Variants in ALDH4A1 observed in about 807,000 individuals in gnomAD.
The protein encoded by ALDH4A1 is delta-1-pyrroline-5-carboxylate dehydrogenase, mitochondrial.
A neutral mutation model predicts 70.5 loss-of-function variants in ALDH4A1; 46 were observed. The observed-to-expected ratio is 0.65, with a 90% CI of 0.51 to 0.83. ALDH4A1 has a LOEUF of 0.83. Ranked by LOEUF, ALDH4A1 falls within the 40% of genes least tolerant of loss-of-function variation. ALDH4A1 has a pLI of 0.00. For missense variants in ALDH4A1, 749 were observed against 766.5 expected (o/e 0.98, Z 0.27); for synonymous variants, 323 against 324.3 (o/e 1.00, Z 0.04).
intron 1 of ALDH4A1, among the ~76,000 whole-genome samples, chr1:18,902,235 T>G: frequency 2.1e-5 from 3 of 145,388 alleles, no homozygotes; most frequent in Non-Finnish European, 3.0e-5. Context: ...GGAAGAGGGG[T>G]CCCCTCGCTA....
intron 1 of ALDH4A1, chr1:18,900,891 C>A (rs1935776501): frequency 1.0e-6 from 1 of 985,188 alleles, no homozygotes; most frequent in East Asian, 1.1e-4. Context: ...GGTGTTAGGC[C>A]CATGGTGCTT....
intron 1 of ALDH4A1, among the ~76,000 whole-genome samples, chr1:18,894,865 CTTTTTT>C (rs34445898): frequency 1.8e-5 from 2 of 109,964 alleles, no homozygotes. Context: ...TTCTTTCTTT[CTTTTTT>C]TTTTTTTTTT....
intron 2 of ALDH4A1, 148 bp from the exon 3 acceptor site, chr1:18,889,602 T>C: frequency 1.4e-6 from 1 of 716,876 alleles, no homozygotes. Context: ...TCAGAGAACA[T>C]GTGCTGCCCT....
At chr1:18,878,599 A>G (rs1449799514) in intron 9 of ALDH4A1, among the ~76,000 whole-genome samples, 1 of 151,990 alleles carries the variant, frequency 6.6e-6, no homozygotes, top group Admixed American at 6.5e-5. Context: ...TGCTCCACAA[A>G]ACACTTGGTC....
intron 5 of ALDH4A1, 46 bp downstream of exon 5, chr1:18,885,427 T>TACCCCCCCCCCCCCCCCCCCCCCCCCCCC: frequency 4.5e-5 from 29 of 650,914 alleles, no homozygotes; most frequent in East Asian, 1.3e-4. Context: ...CACACCTGAC[T>TACCCCCCCCCCCCCCCCCCCCCCCCCCCC]CCCACCCCAC....
intron 5 of ALDH4A1, 122 bp downstream of exon 5, chr1:18,885,351 T>A: frequency 1.0e-6 from 1 of 987,012 alleles, no homozygotes; most frequent in Non-Finnish European, 1.5e-6. Context: ...TGAGGACATC[T>A]CTGGGTCCCC....
At chr1:18,883,097 G>A (rs761753692) in intron 7 of ALDH4A1, 27 bp downstream of exon 7, 74 of 1,612,790 alleles carry the variant, frequency 4.6e-5, no homozygotes, top group Non-Finnish European at 5.6e-5. Flanking sequence ...ACCAGCTGCC[G>A]CTGTCCCACC....
intron 1 of ALDH4A1, among the ~76,000 whole-genome samples, chr1:18,901,755 G>A (rs192242442): frequency 7.2e-5 from 11 of 152,210 alleles, no homozygotes; most frequent in African/African-American, 2.4e-4. Context: ...ATAACCGGGC[G>A]CTGCCTTTGT....
At chr1:18,900,193 AT>A (rs1935754041) in intron 1 of ALDH4A1, among the ~76,000 whole-genome samples, 1 of 152,214 alleles carries the variant, frequency 6.6e-6, no homozygotes, top group Non-Finnish European at 1.5e-5. Flanking sequence ...ACTAGCAGAG[AT>A]TCCTGGCACT....
In ALDH4A1 at chr1:18,886,496, G is replaced by T; in HGVS notation, c.265C>A (p.His89Asn). 5 of 1,614,160 alleles carry T rather than the reference G, an allele frequency of 3.1e-6. No homozygotes were observed. The highest frequency in any genetic ancestry group is 4.2e-6 in the Non-Finnish European group (5 of 1,180,022). ...QYQVSPFNHG[H>N]KVAKFCYADK... ...GCATAACAGAACTTGGCCACCTTAT[G>T]TCCATGGTTAAAAGGCTGAAAGGAG... Residue 89 changes from histidine to asparagine, a missense_variant, in exon 4 of 15, where the codon CAT becomes AAT. Coordinates refer to ENST00000375341, the MANE Select transcript of ALDH4A1 (RefSeq NM_003748.4).
intron 1 of ALDH4A1, among the ~76,000 whole-genome samples, chr1:18,894,377 C>T (rs1935544058): frequency 6.6e-6 from 1 of 152,168 alleles, no homozygotes; most frequent in Admixed American, 6.5e-5. Context: ...ACCATCTCTA[C>T]TAAAACTACA....
intron 4 of ALDH4A1, 50 bp from the exon 5 acceptor site, chr1:18,885,678 C>A (rs575081431): frequency 6.6e-5 from 107 of 1,612,256 alleles, no homozygotes; most frequent in Non-Finnish European, 5.1e-6. Flanking sequence ...CGGGAAAGGC[C>A]CTGGGGAGTG....
intron 1 of ALDH4A1, chr1:18,890,852 A>G (rs1265769701): frequency 1.0e-6 from 1 of 985,374 alleles, no homozygotes; most frequent in Non-Finnish European, 1.2e-6. Flanking sequence ...ATTCCAGAAC[A>G]CAGTCTCAGA....
At chr1:18,897,214 G>A (rs1040128204) in intron 1 of ALDH4A1, 17 of 425,238 alleles carry the variant, frequency 4.0e-5, no homozygotes, top group Non-Finnish European at 5.8e-5. Flanking sequence ...CAACTTGTTC[G>A]GCAAATTCTC....
rs969836724 is a variant in ALDH4A1, at chr1:18,885,646, G to A, written c.298-18C>T. On this transcript the variant is annotated intron_variant, in intron 4 of 14. Transcript: ENST00000375341. ...AGCAGGCTCTAAAGGGAGAGGGAGA[G>A]GTTGGGGACTGCCACCTGCAGCGGG... 2.5e-6 allele frequency: 4 copies of A among 1,613,520 alleles called. No individual in the cohort carries two copies. The highest frequency in any genetic ancestry group is 2.7e-5 in the African/African-American group (2 of 74,894).
chr1:18,892,808 C>T (rs1383368773), intron 1 of ALDH4A1, among the ~76,000 whole-genome samples: 3 of 152,154 alleles, frequency 2.0e-5, no homozygotes, highest in Non-Finnish European at 4.4e-5. Context: ...CACTGACACC[C>T]CCTCATGGGG....
chr1:18,899,786 C>T (rs1469507304), intron 1 of ALDH4A1, among the ~76,000 whole-genome samples: 1 of 152,234 alleles, frequency 6.6e-6, no homozygotes, highest in Non-Finnish European at 1.5e-5. Context: ...AAAGGCCACA[C>T]TTTATGGTGA....
At position 18,874,485 on chromosome 1, in the gene ALDH4A1, G is replaced by C; in HGVS notation, c.1557C>G (p.Pro519=). The change falls in exon 14 of 15, where the codon CCC becomes CCG. Residue 519 remains proline, a synonymous_variant. Transcript: ENST00000375341. ...KSTGSIVGQQ[P]FGGARASGTN... is the part of the protein sequence containing the mutation. ...CACCAGAGGCTCGGGCCCCCCCAAA[G>C]GGCTGCTGGCCCACTATCGAGCCAG... 1 of 1,614,084 alleles carries C rather than the reference G, an allele frequency of 6.2e-7. No individual in the cohort carries two copies. Among genetic ancestry groups the C allele is most frequent in the South Asian group, 1.1e-5 (1 of 91,072 alleles).
chr1:18,893,818 T>G (rs1239748972), intron 1 of ALDH4A1, among the ~76,000 whole-genome samples: 2 of 152,226 alleles, frequency 1.3e-5, no homozygotes, highest in African/African-American at 4.8e-5. Context: ...GCTTATATTA[T>G]TTTAATATAA....
Sources: gnomAD v4.1 joint callset for allele counts (sites outside exome capture counted in the v4.1 genomes callset) on GRCh38, gnomAD v4.1.1 for gene constraint, MANE v1.5 for transcripts, NCBI Gene and HGNC (gene_info 2026-07-23, HGNC 2026-07-21) for gene names.